Variants in CCDC57 observed in about 807,000 individuals in gnomAD.
CCDC57 encodes the protein coiled-coil domain containing 57, also known as coiled-coil domain-containing protein 57.
Under a neutral mutation model 118.9 loss-of-function variants are expected in CCDC57, and 118 were observed. The observed-to-expected ratio is 0.99, with a 90% CI of 0.86 to 1.16. The LOEUF (loss-of-function observed/expected upper bound fraction) is 1.16. CCDC57 is among the 50% of genes most tolerant of loss of function. The pLI, the probability that CCDC57 is intolerant of heterozygous loss-of-function variation, is 0.00. For missense variants in CCDC57, 1,300 were observed against 1,320.7 expected (o/e 0.98, Z 0.24); for synonymous variants, 527 against 532.9 (o/e 0.99, Z 0.15).
At chr17:82,113,317 A>G in intron 19 of CCDC57, 1 of 682,414 alleles carries the variant, frequency 1.5e-6, no homozygotes, top group Non-Finnish European at 2.7e-6. Context: ...TTCAGTGACA[A>G]GGTGCTGTGG....
Position 82,200,115 on chromosome 17 carries a change from G to T in CCDC57, c.407+1423C>A, listed in dbSNP as rs2048819584. Among the ~76,000 whole-genome samples, 3 of 152,300 alleles carry T rather than the reference G, an allele frequency of 2.0e-5. No individual in the cohort carries two copies. The South Asian group carries it at 6.2e-4, about 32-fold the overall frequency. On this transcript the variant is annotated intron_variant, in intron 3 of 19. Coordinates refer to ENST00000665763, the Ensembl canonical transcript of CCDC57. ...CCACCAATGTGGGTCTCCTCTCCTT[G>T]CACCTGACCTGCCGCAGAAGGTCTC... is the stretch of plus-strand genomic sequence containing the variant.
At position 82,212,548 on chromosome 17, in the gene CCDC57, G is replaced by C. The variant is rs1042431237; in HGVS notation, c.-211+237C>G. 6.6e-6 allele frequency among the ~76,000 whole-genome samples: 1 copy of C among 152,030 alleles called. No individual in the cohort carries two copies. The highest frequency in any genetic ancestry group is 1.5e-5 in the Non-Finnish European group (1 of 67,960). The stretch of plus-strand genomic sequence containing the variant: ...CGCCCCAGGTCACCCACGGGAGACC[G>C]AGGGAACGCTCCCGCTCCACGCGGC... On this transcript the variant is annotated intron_variant, in intron 1 of 19. Coordinates refer to ENST00000665763, the Ensembl canonical transcript of CCDC57. This position sits in a 1 kb window ranked among gnomAD's most constrained non-coding sequence, Gnocchi z 4.1.
At chr17:82,127,575 CA>C (rs1326861116) in intron 19 of CCDC57, 116 bp downstream of exon 18, 1 of 1,456,572 alleles carries the variant, frequency 6.9e-7, no homozygotes, top group Non-Finnish European at 9.0e-7. Flanking sequence ...AACCAAAGTG[CA>C]GGGATTTCAG....
chr17:82,164,251 C>T (rs985645463), intron 13 of CCDC57, among the ~76,000 whole-genome samples: 5 of 151,766 alleles, frequency 3.3e-5, no homozygotes, highest in Admixed American at 2.0e-4. Flanking sequence ...CGTGGTGGTG[C>T]GCCCCTGTGG....
intron 7 of CCDC57, among the ~76,000 whole-genome samples, chr17:82,190,671 G>A (rs1426999862): frequency 6.7e-6 from 1 of 148,200 alleles, no homozygotes; most frequent in African/African-American, 2.5e-5. Context: ...CCATCTGCCT[G>A]GGCAACAGAG....
chr17:82,137,498 C>G (rs1056289369), intron 16 of CCDC57, among the ~76,000 whole-genome samples: 1 of 152,178 alleles, frequency 6.6e-6, no homozygotes, highest in African/African-American at 2.4e-5. Context: ...TATGAAAGAG[C>G]TAAGTTTCTC....
intron 7 of CCDC57, among the ~76,000 whole-genome samples, chr17:82,188,729 G>A (rs1182137756): frequency 1.3e-5 from 2 of 152,204 alleles, no homozygotes; most frequent in South Asian, 2.1e-4. Context: ...CATAGAGCAC[G>A]GTTTGATCCG....
intron 13 of CCDC57, among the ~76,000 whole-genome samples, chr17:82,170,994 C>G (rs903396420): frequency 6.6e-6 from 1 of 152,250 alleles, no homozygotes; most frequent in Non-Finnish European, 1.5e-5. Context: ...TCTGAAGACG[C>G]CAGACAGAAG....
In CCDC57 at chr17:82,151,436, CAT is replaced by C. The variant is rs1491553022; in HGVS notation, c.2455+122_2455+123del. ...TGGCGCACCCCCAGAATCTGACCCA[CAT>C]CCAGAACCTGGTGCACCCCCAGAAT... On this transcript the variant is annotated intron_variant, in intron 16 of 19. Coordinates refer to ENST00000665763, the Ensembl canonical transcript of CCDC57. 3.9e-5 allele frequency: 24 copies of C among 607,836 alleles called. 2 individuals carry two copies. The highest frequency in any genetic ancestry group is 4.5e-5 in the Non-Finnish European group (19 of 421,274). The allele number at this position is 607,836 out of a possible 1,614,324, so 37.7% of individuals were successfully genotyped here. A position where few individuals can be genotyped will look rare whatever the true frequency, so the allele number is the denominator to read the frequency against.
At chr17:82,202,048 C>T (rs574634566) in intron 2 of CCDC57, 96 bp from the exon 2 acceptor site, 6 of 1,235,594 alleles carry the variant, frequency 4.9e-6, no homozygotes, top group South Asian at 3.1e-5. Context: ...ACAGTTACCA[C>T]GGCCGGGCAC....
At chr17:82,111,250 C>T (rs1568138192) in intron 19 of CCDC57, among the ~76,000 whole-genome samples, 1 of 68 alleles carries the variant, frequency 0.015, no homozygotes, top group Non-Finnish European at 0.056. Flanking sequence ...TGCCCGCCAC[C>T]ATGCCCAAGC....
At chr17:82,160,744 C>T (rs2043213393) in intron 14 of CCDC57, among the ~76,000 whole-genome samples, 1 of 151,982 alleles carries the variant, frequency 6.6e-6, no homozygotes, top group African/African-American at 2.4e-5. Context: ...CGTGGTGGCT[C>T]ATGCCTGTAA....
At position 82,172,180 on chromosome 17, in the gene CCDC57, C is replaced by T. The variant is rs944774870; in HGVS notation, c.1730-327G>A. 7.2e-5 allele frequency among the ~76,000 whole-genome samples: 11 copies of T among 152,218 alleles called. No homozygotes were observed. Among genetic ancestry groups the T allele is most frequent in the Admixed American group, 4.6e-4 (7 of 15,288 alleles). On this transcript the variant is annotated intron_variant, in intron 12 of 19. Coordinates refer to ENST00000665763, the Ensembl canonical transcript of CCDC57. This position sits in a 1 kb window ranked among gnomAD's most constrained non-coding sequence, Gnocchi z 5.2. ...TGTGCAGAGGGGCCAAGTCCCATCTCGAGAACGGAAGCTCTGCCTCCATCC... is the reference window on the plus strand; with the variant it reads ...TGTGCAGAGGGGCCAAGTCCCATCTTGAGAACGGAAGCTCTGCCTCCATCC...
chr17:82,187,162 G>A (rs534210428), intron 8 of CCDC57, among the ~76,000 whole-genome samples: 8 of 148,172 alleles, frequency 5.4e-5, no homozygotes, highest in African/African-American at 1.5e-4. Context: ...GCTTGAACCC[G>A]GGAAGTGGAG....
intron 16 of CCDC57, among the ~76,000 whole-genome samples, chr17:82,151,234 C>T (rs2042002536): frequency 7.1e-6 from 1 of 141,312 alleles, no homozygotes; most frequent in Non-Finnish European, 1.5e-5. Context: ...CAGAACCTGG[C>T]ACACACCCAG....
intron 13 of CCDC57, 121 bp downstream of exon 12, chr17:82,171,580 T>A (rs2146256466): frequency 9.4e-7 from 1 of 1,059,678 alleles, no homozygotes; most frequent in Non-Finnish European, 1.3e-6. Flanking sequence ...CTGGGCTGGA[T>A]GACGCCGCCC....
chr17:82,113,670 C>T (rs1201083191), intron 19 of CCDC57: 2 of 716,704 alleles, frequency 2.8e-6, no homozygotes, highest in Non-Finnish European at 5.2e-6. Context: ...GTGGGGCCCA[C>T]ACCTGTCATC....
At chr17:82,157,507 C>T in intron 15 of CCDC57, 2 of 1,423,112 alleles carry the variant, frequency 1.4e-6, no homozygotes, top group African/African-American at 1.4e-5. Context: ...CCCGTCCCGC[C>T]CCCCACCAAC....
At chr17:82,133,479 A>C (rs974396569) in intron 17 of CCDC57, among the ~76,000 whole-genome samples, 2 of 147,984 alleles carry the variant, frequency 1.4e-5, no homozygotes, top group Non-Finnish European at 3.0e-5. Flanking sequence ...TTTTTTTTTC[A>C]CTTATCATAC....
Sources: allele counts gnomAD v4.1 joint callset (sites outside exome capture counted in the v4.1 genomes callset), GRCh38; gene constraint gnomAD v4.1.1; non-coding constraint Gnocchi (gnomAD v3.1); transcripts MANE v1.5; gene names NCBI Gene and HGNC (gene_info 2026-07-23, HGNC 2026-07-21).